The following C3orf20 variants were observed in gnomAD, a reference collection of about 807,000 sequenced individuals.
C3orf20 encodes the protein family with sequence similarity 149 member C.
A neutral mutation model predicts 88.3 loss-of-function variants in C3orf20; 76 were observed. That is an observed-to-expected ratio of 0.86 (90% confidence interval 0.72 to 1.04). The LOEUF (loss-of-function observed/expected upper bound fraction) is 1.04. Among genes scored for constraint, C3orf20 ranks in the 50% least tolerant of loss-of-function variants. The probability of loss-of-function intolerance (pLI) is 0.00; values close to 1 mark genes in which losing one functional copy is unlikely to be tolerated. For missense variants in C3orf20, 1,056 were observed against 1,123.3 expected (o/e 0.94, Z 0.86); for synonymous variants, 436 against 437.4 (o/e 1.00, Z 0.04).
rs33982218 is a variant in C3orf20 at position 14,760,606 on chromosome 3, CTTTTTTTTTT to C, written c.2352+620_2352+629del. Among the ~76,000 whole-genome samples, 15 of 97,806 alleles carry C rather than the reference CTTTTTTTTTT, an allele frequency of 1.5e-4. 1 individual carries two copies. Among genetic ancestry groups the C allele is most frequent in the Admixed American group, 1.4e-3 (11 of 8,148 alleles). The allele number at this position is 97,806 out of a possible 152,430, so 64.2% of individuals were successfully genotyped here. A position where few individuals can be genotyped will look rare whatever the true frequency, so the allele number is the denominator to read the frequency against. On this transcript the variant is annotated intron_variant, in intron 14 of 16. Transcript: ENST00000253697. ...TAACTACTGTGTAAGAGTCTGTCTT[CTTTTTTTTTT>C]TTTTTTTTTTTGAGACAGAGTCTCA... is the stretch of plus-strand genomic sequence containing the variant.
intron 5 of C3orf20, among the ~76,000 whole-genome samples, chr3:14,693,638 A>G (rs1476065919): frequency 6.6e-6 from 1 of 152,160 alleles, no homozygotes; most frequent in Non-Finnish European, 1.5e-5. Context: ...ATCTGCAAAC[A>G]AGGATAGTTT....
intron 12 of C3orf20, 36 bp downstream of exon 12, chr3:14,728,724 G>T: frequency 6.2e-7 from 1 of 1,602,400 alleles, no homozygotes; most frequent in Non-Finnish European, 8.5e-7. Context: ...GCAGCATCGG[G>T]TGTTGTGATG....
chr3:14,752,973 C>T (rs1338216763), intron 12 of C3orf20, among the ~76,000 whole-genome samples: 1 of 152,188 alleles, frequency 6.6e-6, no homozygotes, highest in Non-Finnish European at 1.5e-5. Context: ...TTTGACCCAG[C>T]AATCCGATTA....
chr3:14,701,657 T>C lies in C3orf20; in HGVS notation c.746-1473T>C, dbSNP rs73135200. Among the ~76,000 whole-genome samples the C allele has an allele frequency of 0.03, 4,614 of 152,302 alleles. 86 individuals carry two copies. The highest frequency in any genetic ancestry group is 0.056 in the African/African-American group (2,307 of 41,560). On this transcript the variant is annotated intron_variant, in intron 5 of 16. Coordinates refer to ENST00000253697, the MANE Select transcript of C3orf20 (RefSeq NM_032137.5). This position sits in a 1 kb window ranked among gnomAD's most constrained non-coding sequence, Gnocchi z 4.6. ...TGACAGTGATCTGTGCCTATGGCAC[T>C]TGGGCTCCCTCGAGAAGACCCAAGA...
chr3:14,744,420 T>C (rs1177053251), intron 12 of C3orf20, among the ~76,000 whole-genome samples: 1 of 151,956 alleles, frequency 6.6e-6, no homozygotes, highest in Non-Finnish European at 1.5e-5. Flanking sequence ...AACAAGTCTC[T>C]AGGAAGTTCC....
chr3:14,676,116 CTT>C (rs11379457), intron 1 of C3orf20, among the ~76,000 whole-genome samples: 1 of 134,090 alleles, frequency 7.5e-6, no homozygotes, highest in Non-Finnish European at 1.6e-5. Flanking sequence ...TCCCCCCCGC[CTT>C]TTTTTTTTTG....
chr3:14,718,556 A>G (rs1007207765), intron 9 of C3orf20, among the ~76,000 whole-genome samples: 1 of 152,148 alleles, frequency 6.6e-6, no homozygotes, highest in Non-Finnish European at 1.5e-5. Context: ...TCTGTTGATT[A>G]TCTGTTGCTT....
chr3:14,769,494 C>A (rs980676193), intron 15 of C3orf20, among the ~76,000 whole-genome samples: 2 of 152,134 alleles, frequency 1.3e-5, no homozygotes, highest in African/African-American at 4.8e-5. Flanking sequence ...CACTTGGTAG[C>A]ACCCCTGCCC....
intron 10 of C3orf20, among the ~76,000 whole-genome samples, chr3:14,723,229 G>A (rs1034022516): frequency 2.0e-5 from 3 of 152,200 alleles, no homozygotes; most frequent in Admixed American, 1.3e-4. Flanking sequence ...GCTTACAGAC[G>A]CCCAAAGCTG....
At chr3:14,687,025 C>A (rs2032466454) in intron 4 of C3orf20, among the ~76,000 whole-genome samples, 1 of 152,232 alleles carries the variant, frequency 6.6e-6, no homozygotes, top group Non-Finnish European at 1.5e-5. Flanking sequence ...AATGCCCCTC[C>A]AATGCCCCTG....
chr3:14,720,196 A>AT (rs1401904389), intron 9 of C3orf20, among the ~76,000 whole-genome samples: 1 of 151,878 alleles, frequency 6.6e-6, no homozygotes, highest in African/African-American at 2.4e-5. Context: ...TGCCTGGCTA[A>AT]TTTTTTTGTA....
At chr3:14,683,460 T>G (rs1265822817) in intron 3 of C3orf20, among the ~76,000 whole-genome samples, 1 of 152,144 alleles carries the variant, frequency 6.6e-6, no homozygotes, top group Non-Finnish European at 1.5e-5. Flanking sequence ...TTTGTGAGAA[T>G]GATGCTGAGG....
chr3:14,682,597 C>G lies in C3orf20; in HGVS notation c.-117C>G. 1.5e-6 allele frequency: 2 copies of G among 1,340,968 alleles called. No homozygotes were observed. Among genetic ancestry groups the G allele is most frequent in the Non-Finnish European group, 2.0e-6 (2 of 987,166 alleles). 83.1% of individuals were successfully genotyped at this position (1,340,968 alleles called of 1,614,324 possible). A position where few individuals can be genotyped will look rare whatever the true frequency, so the allele number is the denominator to read the frequency against. On this transcript the variant is annotated 5_prime_UTR_variant, in exon 3 of 17. Coordinates refer to ENST00000253697, the MANE Select transcript of C3orf20 (RefSeq NM_032137.5). ...GGATAGGAACCACTGGCTCAATGACCTGTAAGGGCCGTTTCAGCACATCCA... is the reference window on the plus strand; with the variant it reads ...GGATAGGAACCACTGGCTCAATGACGTGTAAGGGCCGTTTCAGCACATCCA...
chr3:14,767,713 G>A (rs1354900416), intron 15 of C3orf20, among the ~76,000 whole-genome samples: 2 of 152,228 alleles, frequency 1.3e-5, no homozygotes, highest in African/African-American at 2.4e-5. Context: ...ATTGCCACAT[G>A]TCCCCAAAAT....
intron 9 of C3orf20, among the ~76,000 whole-genome samples, chr3:14,720,533 G>GGTTGTTGTT (rs199995038): frequency 4.0e-5 from 6 of 149,128 alleles, no homozygotes; most frequent in South Asian, 2.2e-4. Flanking sequence ...AGCAGAGAGT[G>GGTTGTTGTT]GTTGTTGTTG....
chr3:14,682,938 C>A lies in C3orf20; in HGVS notation c.225C>A (p.Ala75=). ...DILGLEVSFG[A]PLVVLMEPTF... The stretch of plus-strand genomic sequence containing the variant: ...TGGGCCTGGAGGTCAGCTTTGGAGC[C>A]CCCCTGGTGGTGCTCATGGAACCCA... Residue 75 remains alanine, a synonymous_variant, in exon 3 of 17, where the codon GCC becomes GCA. Transcript: ENST00000253697. 1.9e-6 allele frequency: 3 copies of A among 1,614,144 alleles called. No individual in the cohort carries two copies. The highest frequency in any genetic ancestry group is 2.5e-6 in the Non-Finnish European group (3 of 1,180,024).
At chr3:14,681,520 G>A (rs962260981) in intron 1 of C3orf20, among the ~76,000 whole-genome samples, 1 of 152,160 alleles carries the variant, frequency 6.6e-6, no homozygotes, top group African/African-American at 2.4e-5. Context: ...GGAACAACTC[G>A]CTGACTCTGC....
intron 5 of C3orf20, among the ~76,000 whole-genome samples, chr3:14,695,438 C>T (rs1361788369): frequency 3.3e-5 from 5 of 151,814 alleles, no homozygotes; most frequent in Non-Finnish European, 2.9e-5. Flanking sequence ...AAATGACCCA[C>T]GTGCTAAGGA....
chr3:14,764,217 CAT>C (rs111417119), intron 15 of C3orf20, among the ~76,000 whole-genome samples: 2,761 of 151,794 alleles, frequency 0.018, 96 homozygotes, highest in African/African-American at 0.063. Flanking sequence ...TAGATAGAAA[CAT>C]ACACACATAC....
Sources: gnomAD v4.1 joint callset for allele counts (sites outside exome capture counted in the v4.1 genomes callset) on GRCh38, gnomAD v4.1.1 for gene constraint, Gnocchi (gnomAD v3.1) non-coding constraint, MANE v1.5 for transcripts, NCBI Gene and HGNC (gene_info 2026-07-23, HGNC 2026-07-21) for gene names.